ZNF490: variants seen among roughly 807,000 people sequenced by gnomAD.
The protein encoded by ZNF490 is zinc finger protein 490.
In ZNF490, 11 loss-of-function variants were observed where a neutral mutation model predicts 17.7. The ratio of observed to expected loss-of-function variants is 0.62; its 90% CI spans 0.39 to 1.03. The LOEUF (loss-of-function observed/expected upper bound fraction) is 1.03, where lower values mean the gene tolerates loss of function less well. Ranked by LOEUF, ZNF490 falls within the 50% of genes least tolerant of loss-of-function variation. ZNF490 has a pLI of 0.00. For synonymous variants in ZNF490, 222 were observed against 216.1 expected (o/e 1.03, Z -0.24); for missense variants, 542 against 643.4 (o/e 0.84, Z 1.71).
intron 2 of ZNF490, among the ~76,000 whole-genome samples, chr19:12,595,211 G>A (rs546722469): frequency 1.3e-5 from 2 of 150,894 alleles, no homozygotes; most frequent in African/African-American, 2.4e-5. Flanking sequence ...GTGTGATCTC[G>A]GCTCACCACA....
At chr19:12,599,694 AG>A (rs1036013878) in intron 2 of ZNF490, among the ~76,000 whole-genome samples, 9 of 152,234 alleles carry the variant, frequency 5.9e-5, no homozygotes, top group Non-Finnish European at 1.3e-4. Context: ...TTTACATGCA[AG>A]GTGTGTAAGG....
At chr19:12,592,139 T>C (rs947051717) in intron 2 of ZNF490, among the ~76,000 whole-genome samples, 25 of 152,148 alleles carry the variant, frequency 1.6e-4, no homozygotes, top group Admixed American at 1.2e-3. Flanking sequence ...AGATCGAGAC[T>C]ATCCTGGCCA....
intron 2 of ZNF490, among the ~76,000 whole-genome samples, chr19:12,597,705 T>A (rs1211059747): frequency 6.6e-6 from 1 of 152,212 alleles, no homozygotes; most frequent in African/African-American, 2.4e-5. Flanking sequence ...TCTGTATTTG[T>A]CCTTTTCCGA....
rs374541023 is a variant in ZNF490, at chr19:12,609,140, G to A, written c.162+18C>T. On this transcript the variant is annotated intron_variant, in intron 2 of 4. Transcript: ENST00000311437. ...AACAAGGAAGGTAGCCACGCTGACA[G>A]GTAGCGATCTCACTTACAGTTTGAG... 8.1e-6 allele frequency: 13 copies of A among 1,613,508 alleles called. No homozygotes were observed. Among genetic ancestry groups the A allele is most frequent in the African/African-American group, 5.3e-5 (4 of 74,912 alleles).
At chr19:12,603,288 A>G (rs2023028536) in intron 2 of ZNF490, among the ~76,000 whole-genome samples, 1 of 151,958 alleles carries the variant, frequency 6.6e-6, no homozygotes, top group African/African-American at 2.4e-5. Context: ...GGAGTTCAAG[A>G]CCAGCCTGGG....
rs1482180748 is a variant in ZNF490 at position 12,585,050 on chromosome 19, G to A, written c.163-1494C>T. Among the ~76,000 whole-genome samples, 4 of 93,152 alleles carry A rather than the reference G, an allele frequency of 4.3e-5. 2 individuals carry two copies. The highest frequency in any genetic ancestry group is 6.4e-5 in the African/African-American group (2 of 31,066). The allele number at this position is 93,152 out of a possible 152,430, so 61.1% of individuals were successfully genotyped here. The stretch of plus-strand genomic sequence containing the variant: ...TCTCAAGCACTTGTGAAGTGGCTTC[G>A]GAGAGCAAGAAAAGGAGCCTGGCTG... On this transcript the variant is annotated intron_variant, in intron 2 of 4. Coordinates refer to ENST00000311437, the MANE Select transcript of ZNF490 (RefSeq NM_020714.3).
At position 12,581,005 on chromosome 19, in the gene ZNF490, G is replaced by C; in HGVS notation, c.1070C>G (p.Thr357Ser). 6.2e-7 allele frequency: 1 copy of C among 1,614,148 alleles called. No individual in the cohort carries two copies. The highest frequency in any genetic ancestry group is 8.5e-7 in the Non-Finnish European group (1 of 1,180,032). ...CTTACATGTATAAGGTTGAACTCCG[G>C]TGTGGGTTTTCACGTGTTTTCGAAG... Reference protein sequence around the residue: ...SSLRKHVKTHTGVQPYTCKKC... With the variant: ...SSLRKHVKTHSGVQPYTCKKC... Residue 357 changes from threonine to serine, a missense_variant, in exon 5 of 5, where the codon ACC (threonine) becomes AGC (serine). Coordinates refer to ENST00000311437, the MANE Select transcript of ZNF490 (RefSeq NM_020714.3).
chr19:12,601,865 G>A (rs1186846271), intron 2 of ZNF490, among the ~76,000 whole-genome samples: 1 of 151,664 alleles, frequency 6.6e-6, no homozygotes, highest in Non-Finnish European at 1.5e-5. Flanking sequence ...TTGGTGGCAG[G>A]CTCCTGTAGT....
intron 2 of ZNF490, among the ~76,000 whole-genome samples, chr19:12,605,476 G>A (rs898242265): frequency 2.7e-5 from 3 of 110,744 alleles, no homozygotes; most frequent in Non-Finnish European, 5.8e-5. Flanking sequence ...GTGAAACCCT[G>A]CTCTATTAAA....
Position 12,581,585 on chromosome 19 carries a change from C to T in ZNF490, c.490G>A (p.Val164Ile). ...KPCDCSVCGEVFMHQVSLNRH... is the reference protein window; with the variant it reads ...KPCDCSVCGEIFMHQVSLNRH... Reference sequence around the variant, plus strand: ...TTAAGGGAGACCTGATGCATGAAGACTTCCCCACACACACTGCAGTCACAT... The same window carrying T: ...TTAAGGGAGACCTGATGCATGAAGATTTCCCCACACACACTGCAGTCACAT... Residue 164 changes from valine (V) to isoleucine (I), a missense_variant, in exon 5 of 5, where the codon GTC (valine) becomes ATC (isoleucine). Coordinates refer to ENST00000311437, the MANE Select transcript of ZNF490 (RefSeq NM_020714.3). 6.2e-7 allele frequency: 1 copy of T among 1,614,164 alleles called. No homozygotes were observed. The highest frequency in any genetic ancestry group is 8.5e-7 in the Non-Finnish European group (1 of 1,180,034).
chr19:12,610,497 G>T, intron 1 of ZNF490, 67 bp downstream of exon 1: 4 of 1,245,514 alleles, frequency 3.2e-6, no homozygotes, highest in Non-Finnish European at 4.7e-6. Context: ...TGGGGTAACC[G>T]TCTGTTTATA....
chr19:12,605,646 AC>A (rs1055924111), intron 2 of ZNF490, among the ~76,000 whole-genome samples: 5 of 152,176 alleles, frequency 3.3e-5, no homozygotes, highest in Non-Finnish European at 7.3e-5. Flanking sequence ...CCTGGGACTT[AC>A]AACTGACATT....
At position 12,580,400 on chromosome 19, in the gene ZNF490, T is replaced by A; in HGVS notation, c.*85A>T. On this transcript the variant is annotated 3_prime_UTR_variant, in exon 5 of 5. Transcript: ENST00000311437. The stretch of plus-strand genomic sequence containing the variant: ...TGAAGGCTTAATCACACCGTTTACA[T>A]TCCTTGAATTTCTCTCCAGCGTAAG... 1.3e-6 allele frequency: 2 copies of A among 1,507,158 alleles called. No homozygotes were observed. Among genetic ancestry groups the A allele is most frequent in the Non-Finnish European group, 8.8e-7 (1 of 1,131,372 alleles). The allele number at this position is 1,507,158 out of a possible 1,614,324, so 93.4% of individuals were successfully genotyped here.
At chr19:12,594,518 G>A (rs2022910353) in intron 2 of ZNF490, among the ~76,000 whole-genome samples, 1 of 151,862 alleles carries the variant, frequency 6.6e-6, no homozygotes, top group Non-Finnish European at 1.5e-5. Context: ...GTGCTCTGGA[G>A]GCACTAACAG....
At chr19:12,583,857 C>G (rs1405129688) in intron 2 of ZNF490, among the ~76,000 whole-genome samples, 1 of 135,014 alleles carries the variant, frequency 7.4e-6, no homozygotes, top group African/African-American at 2.8e-5. Context: ...GTCGCCCAGG[C>G]TGGAGTGCAG....
chr19:12,608,770 C>A (rs1301710869), intron 2 of ZNF490, among the ~76,000 whole-genome samples: 1 of 152,096 alleles, frequency 6.6e-6, no homozygotes, highest in East Asian at 1.9e-4. Context: ...CTACTACACC[C>A]AGCCATTTTT....
chr19:12,590,312 G>A lies in ZNF490; in HGVS notation c.163-6756C>T, dbSNP rs142813575. 4.7e-4 allele frequency among the ~76,000 whole-genome samples: 71 copies of A among 151,574 alleles called. 1 individual carries two copies. The East Asian group carries it at 0.013, about 28-fold the overall frequency. Reference sequence around the variant, plus strand: ...CACTGTAACCACCTCCACCTCCCGGGTTCAAGAGATTTTCCTGCCTCAGCC... The same window carrying A: ...CACTGTAACCACCTCCACCTCCCGGATTCAAGAGATTTTCCTGCCTCAGCC... On this transcript the variant is annotated intron_variant, in intron 2 of 4. Coordinates refer to ENST00000311437, the MANE Select transcript of ZNF490 (RefSeq NM_020714.3).
Position 12,580,436 on chromosome 19 carries a change from C to T in ZNF490, c.*49G>A, listed in dbSNP as rs751768593. The T allele has an allele frequency of 2.0e-6, 3 of 1,526,924 alleles. No individual in the cohort carries two copies. The highest frequency in any genetic ancestry group is 2.6e-6 in the Non-Finnish European group (3 of 1,139,808). 94.6% of individuals were successfully genotyped at this position (1,526,924 alleles called of 1,614,324 possible). A position where few individuals can be genotyped will look rare whatever the true frequency, so the allele number is the denominator to read the frequency against. On this transcript the variant is annotated 3_prime_UTR_variant, in exon 5 of 5. Transcript: ENST00000311437. ...TCTCTCCAGCGTAAGTACTCTCATA[C>T]ATCCAAAAGGAACTAATACAACTGA...
intron 2 of ZNF490, among the ~76,000 whole-genome samples, chr19:12,603,569 A>C (rs1166611674): frequency 6.6e-6 from 1 of 152,066 alleles, no homozygotes; most frequent in Non-Finnish European, 1.5e-5. Context: ...AGGTAGGTGG[A>C]TGCTTGAGCT....
Sources: gnomAD v4.1 joint callset for allele counts (sites outside exome capture counted in the v4.1 genomes callset) on GRCh38, gnomAD v4.1.1 for gene constraint, MANE v1.5 for transcripts, NCBI Gene and HGNC (gene_info 2026-07-23, HGNC 2026-07-21) for gene names.